The following HDAC8 variants were observed in gnomAD, a reference collection of about 807,000 sequenced individuals.
HDAC8 encodes histone deacetylase 8.
In HDAC8, 1 loss-of-function variant was observed where a neutral mutation model predicts 32.2. The observed-to-expected ratio is 0.03, with a 90% CI of 0.01 to 0.15. HDAC8 has a LOEUF of 0.15. Among genes scored for constraint, HDAC8 ranks in the 10% least tolerant of loss-of-function variants. HDAC8 has a pLI of 1.00. For missense variants in HDAC8, 117 were observed against 300.0 expected, an observed-to-expected ratio of 0.39 and a Z score of 4.51; for synonymous variants, 108 against 113.9, an observed-to-expected ratio of 0.95 and a Z score of 0.33.
intron 9 of HDAC8, among the ~76,000 whole-genome samples, chrX:72,447,435 T>C (rs2047439641): frequency 8.9e-6 from 1 of 111,784 alleles, no homozygotes; most frequent in African/African-American, 3.2e-5. Flanking sequence ...ATGGAACATA[T>C]CTCAAAATAA....
intron 7 of HDAC8, among the ~76,000 whole-genome samples, chrX:72,483,417 C>T (rs1556004128): frequency 9.0e-6 from 1 of 110,808 alleles, no homozygotes; most frequent in East Asian, 2.8e-4. Context: ...CTGGAACTTC[C>T]TCCTTTTTCT....
chrX:72,380,229 C>CT (rs1326703112), intron 9 of HDAC8, among the ~76,000 whole-genome samples: 3 of 111,790 alleles, frequency 2.7e-5, no homozygotes, highest in Non-Finnish European at 5.6e-5. Flanking sequence ...CAACTGTTAC[C>CT]TATTACCATA....
chrX:72,527,398 T>G (rs782344978), intron 4 of HDAC8, among the ~76,000 whole-genome samples: 1 of 111,884 alleles, frequency 8.9e-6, no homozygotes, highest in South Asian at 3.8e-4. Context: ...TTTGTTGATA[T>G]GCTTTCCTAG....
intron 9 of HDAC8, among the ~76,000 whole-genome samples, chrX:72,370,213 G>A (rs1402612239): frequency 8.9e-6 from 1 of 112,114 alleles, no homozygotes; most frequent in Non-Finnish European, 1.9e-5. Flanking sequence ...TTATCAAGTA[G>A]ACTTAAACCT....
intron 4 of HDAC8, among the ~76,000 whole-genome samples, chrX:72,497,206 T>C (rs1409128054): frequency 9.0e-6 from 1 of 111,507 alleles, no homozygotes; most frequent in Non-Finnish European, 1.9e-5. Context: ...GAAGATGATG[T>C]CTATCATTCA....
intron 4 of HDAC8, among the ~76,000 whole-genome samples, chrX:72,545,006 G>A (rs972543183): frequency 3.6e-5 from 4 of 111,267 alleles, no homozygotes; most frequent in Admixed American, 2.9e-4. Context: ...AATTAGGGGC[G>A]GTCGCTCTGT....
chrX:72,535,285 AT>A (rs1332180167), intron 4 of HDAC8, among the ~76,000 whole-genome samples: 2 of 111,688 alleles, frequency 1.8e-5, no homozygotes, highest in Non-Finnish European at 3.8e-5. Context: ...GGGGAGGAAA[AT>A]TCAACTGATT....
chrX:72,421,227 T>G (rs1177154381), intron 9 of HDAC8, among the ~76,000 whole-genome samples: 1 of 111,552 alleles, frequency 9.0e-6, no homozygotes, highest in Non-Finnish European at 1.9e-5. Flanking sequence ...TTTTAAAATG[T>G]TTCTTCAACT....
chrX:72,435,302 C>T (rs191558323), intron 9 of HDAC8, among the ~76,000 whole-genome samples: 5 of 111,631 alleles, frequency 4.5e-5, no homozygotes, highest in Admixed American at 9.5e-5. Context: ...TAGCCTGAAG[C>T]GTAAGAGCAC....
chrX:72,522,029 G>A (rs1556029101), intron 4 of HDAC8, among the ~76,000 whole-genome samples: 1 of 111,701 alleles, frequency 9.0e-6, no homozygotes, highest in Non-Finnish European at 1.9e-5. Flanking sequence ...GAAGGATTGA[G>A]GCATTTGTGC....
chrX:72,510,378 C>T (rs781787259), intron 4 of HDAC8, among the ~76,000 whole-genome samples: 12 of 111,608 alleles, frequency 1.1e-4, no homozygotes, highest in Non-Finnish European at 1.5e-4. Context: ...CCATTTGGCA[C>T]GATAAACAGT....
At chrX:72,571,781 C>G (rs984087199) in intron 2 of HDAC8, among the ~76,000 whole-genome samples, 3 of 109,080 alleles carry the variant, frequency 2.8e-5, no homozygotes, top group African/African-American at 1.0e-4. Flanking sequence ...GTTGGGCAGG[C>G]TGGTCTCAAA....
At chrX:72,477,716 A>G (rs898644953) in intron 7 of HDAC8, among the ~76,000 whole-genome samples, 6 of 112,658 alleles carry the variant, frequency 5.3e-5, no homozygotes, top group Non-Finnish European at 9.4e-5. Flanking sequence ...ATGCATTTTT[A>G]TTACTTTTAA....
intron 6 of HDAC8, 174 bp from the exon 7 acceptor site, chrX:72,489,215 C>A (rs782047938): frequency 7.6e-4 from 373 of 488,869 alleles, no homozygotes; most frequent in East Asian, 5.0e-4. Flanking sequence ...AACTGAAAAA[C>A]CTCAGTTTTC....
chrX:72,455,457 T>C (rs1179824761), intron 9 of HDAC8, among the ~76,000 whole-genome samples: 2 of 111,815 alleles, frequency 1.8e-5, no homozygotes, highest in East Asian at 2.8e-4. Flanking sequence ...AGGAAAAGCA[T>C]GTCAAGTTTT....
intron 4 of HDAC8, among the ~76,000 whole-genome samples, chrX:72,504,829 G>T (rs1556018190): frequency 3.6e-5 from 4 of 111,405 alleles, no homozygotes. Flanking sequence ...GTGTATAAGG[G>T]CTTCAATTTC....
chrX:72,340,054 A>G (rs1555944469), intron 10 of HDAC8, among the ~76,000 whole-genome samples: 1 of 112,165 alleles, frequency 8.9e-6, no homozygotes, highest in African/African-American at 3.2e-5. Flanking sequence ...TATTACCCTG[A>G]TGGTTAGGGT....
At position 72,417,585 on chromosome X, in the gene HDAC8, G is replaced by C. The variant is rs138603603; in HGVS notation, c.1005+44419C>G. Among the ~76,000 whole-genome samples, 922 of 111,672 alleles carry C rather than the reference G, an allele frequency of 8.3e-3. 14 individuals carry two copies. Among genetic ancestry groups the C allele is most frequent in the African/African-American group, 0.028 (875 of 30,812 alleles). On this transcript the variant is annotated intron_variant, in intron 9 of 10. Coordinates refer to ENST00000373573, the MANE Select transcript of HDAC8 (RefSeq NM_018486.3). ...AAATCAGAGATGACACAAACAAATG[G>C]AAAAACATTCCATGCTCAGATAGGA...
intron 9 of HDAC8, among the ~76,000 whole-genome samples, chrX:72,443,048 G>A (rs2047215524): frequency 9.3e-6 from 1 of 107,621 alleles, no homozygotes; most frequent in Non-Finnish European, 1.9e-5. Context: ...AGTCCTGAGT[G>A]ACCTACAAAG....
Sources: allele counts gnomAD v4.1 joint callset (sites outside exome capture counted in the v4.1 genomes callset), GRCh38; gene constraint gnomAD v4.1.1; transcripts MANE v1.5; gene names NCBI Gene and HGNC (gene_info 2026-07-23, HGNC 2026-07-21).